The following INTS6 variants were observed in gnomAD, a reference collection of about 807,000 sequenced individuals.
The protein encoded by INTS6 is integrator complex subunit 6.
INTS6 carries 16 observed loss-of-function variants against 104.9 expected under a neutral mutation model. The ratio of observed to expected loss-of-function variants is 0.15; its 90% CI spans 0.10 to 0.23. INTS6 has a LOEUF of 0.23. INTS6 is among the 10% of genes least tolerant of loss of function. The pLI is 1.00. For missense variants in INTS6, 584 were observed against 1,062.8 expected (o/e 0.55, Z 6.26); for synonymous variants, 324 against 358.7 (o/e 0.90, Z 1.09).
At chr13:51,358,960 T>C (rs1352775127), downstream of INTS6, among the ~76,000 whole-genome samples, 1 of 152,102 alleles carries the variant, frequency 6.6e-6, no homozygotes, top group Non-Finnish European at 1.5e-5. Flanking sequence ...GTATTATAAT[T>C]GTCCTGTAGA....
chr13:51,378,505 T>C (rs1486606739), intron 11 of INTS6, 51 bp from the exon 12 acceptor site: 2 of 1,177,954 alleles, frequency 1.7e-6, no homozygotes, highest in East Asian at 2.4e-5. Context: ...AATTAATAAA[T>C]CAGATACTAA....
intron 4 of INTS6, among the ~76,000 whole-genome samples, chr13:51,412,190 G>C (rs74647934): frequency 6.6e-6 from 1 of 152,076 alleles, no homozygotes. Flanking sequence ...AATTTCTTTG[G>C]AGTAACATAT....
chr13:51,371,201 G>C (rs916987753), intron 15 of INTS6, among the ~76,000 whole-genome samples: 2 of 152,090 alleles, frequency 1.3e-5, no homozygotes, highest in African/African-American at 4.8e-5. Flanking sequence ...AAGTGCTGTG[G>C]TGACTTCAGT....
At chr13:51,365,942 T>C in intron 17 of INTS6, 97 bp from the exon 18 acceptor site, 1 of 600,824 alleles carries the variant, frequency 1.7e-6, no homozygotes, top group Non-Finnish European at 2.8e-6. Context: ...TTTGGGAAGA[T>C]TTTTCAAAGT....
At chr13:51,402,618 C>T (rs1956458807) in intron 4 of INTS6, 1 of 152,086 alleles carries the variant, frequency 6.6e-6, no homozygotes. Flanking sequence ...GTAATATCGC[C>T]AACCCAAATA....
intron 15 of INTS6, among the ~76,000 whole-genome samples, chr13:51,371,804 G>C (rs1026058180): frequency 6.6e-6 from 1 of 151,906 alleles, no homozygotes; most frequent in African/African-American, 2.4e-5. Flanking sequence ...ACCTCACAGA[G>C]CTCGGAAGAA....
At position 51,387,361 on chromosome 13, in the gene INTS6, C is replaced by A. The variant is rs375606197; in HGVS notation, c.894+25G>T. On this transcript the variant is annotated intron_variant, in intron 7 of 17. Coordinates refer to ENST00000311234, the MANE Select transcript of INTS6 (RefSeq NM_012141.3). ...AAAGACAGCTGAATGGTTACTATTA[C>A]ATAGTTACAGTCTCTGGTACTTACT... The A allele has an allele frequency of 3.4e-5, 53 of 1,577,586 alleles. 1 individual carries two copies. In the African/African-American group the frequency reaches 6.5e-4, roughly 19 times the overall value.
At chr13:51,410,954 G>C (rs1043980415) in intron 4 of INTS6, among the ~76,000 whole-genome samples, 1 of 152,086 alleles carries the variant, frequency 6.6e-6, no homozygotes, top group African/African-American at 2.4e-5. Flanking sequence ...ACTCACACCT[G>C]TTATCCCAGC....
At chr13:51,381,105 A>G (rs1956041919) in intron 10 of INTS6, among the ~76,000 whole-genome samples, 1 of 152,200 alleles carries the variant, frequency 6.6e-6, no homozygotes, top group South Asian at 2.1e-4. Flanking sequence ...AAGTATATAC[A>G]TATTAAGTAA....
Position 51,452,804 on chromosome 13 carries a change from G to T in INTS6, c.-279C>A. On this transcript the variant is annotated 5_prime_UTR_variant, in exon 1 of 18. Transcript: ENST00000311234. This position sits in a 1 kb window ranked among gnomAD's most constrained non-coding sequence, Gnocchi z 4.2. ...CGCCCAGCCGTCTGTCTGTCGGTTC[G>T]TCCCCCCCGCCTCGGGGGTCCCGTC... 8.5e-7 allele frequency: 1 copy of T among 1,181,952 alleles called. No homozygotes were observed. The highest frequency in any genetic ancestry group is 1.1e-6 in the Non-Finnish European group (1 of 949,296). The allele number at this position is 1,181,952 out of a possible 1,614,324, so 73.2% of individuals were successfully genotyped here.
At chr13:51,402,965 A>T (rs1956466476) in intron 4 of INTS6, among the ~76,000 whole-genome samples, 1 of 152,208 alleles carries the variant, frequency 6.6e-6, no homozygotes, top group African/African-American at 2.4e-5. Context: ...CACCTACCAT[A>T]AACACAGCAC....
rs1955579786 is a variant in INTS6 at position 51,361,667 on chromosome 13, T to C, written c.*4085A>G. The C allele has an allele frequency of 1.4e-6, 1 of 702,650 alleles. No homozygotes were observed. Among genetic ancestry groups the C allele is most frequent in the Non-Finnish European group, 2.3e-6 (1 of 437,712 alleles). 43.5% of individuals were successfully genotyped at this position (702,650 alleles called of 1,614,324 possible). A position where few individuals can be genotyped will look rare whatever the true frequency, so the allele number is the denominator to read the frequency against. ...GCATCTTTTCTCTTTAATTTTCCCA[T>C]CTGCACCCCCATCACAACAGTAAAC... On this transcript the variant is annotated 3_prime_UTR_variant, in exon 18 of 18. Coordinates refer to ENST00000311234, the MANE Select transcript of INTS6 (RefSeq NM_012141.3).
chr13:51,394,773 G>T (rs549555120), intron 5 of INTS6, among the ~76,000 whole-genome samples: 1 of 152,198 alleles, frequency 6.6e-6, no homozygotes, highest in Non-Finnish European at 1.5e-5. Flanking sequence ...GTTCTGAGTT[G>T]ATTACATATT....
intron 5 of INTS6, among the ~76,000 whole-genome samples, chr13:51,394,398 T>C (rs1006604165): frequency 1.3e-5 from 2 of 152,180 alleles, no homozygotes; most frequent in African/African-American, 2.4e-5. Context: ...CCAAAATCCA[T>C]AGAATTTTAG....
chr13:51,425,807 A>C (rs1394606425), intron 4 of INTS6, among the ~76,000 whole-genome samples: 1 of 152,100 alleles, frequency 6.6e-6, no homozygotes. Flanking sequence ...ATAACATGAC[A>C]AACAGTACTG....
chr13:51,368,838 A>C (rs766097996), intron 16 of INTS6, 101 bp downstream of exon 16: 1 of 1,181,402 alleles, frequency 8.5e-7, no homozygotes, highest in East Asian at 2.4e-5. Context: ...ATCTAGAATC[A>C]TATGTATTCT....
chr13:51,417,606 C>T (rs1426037668), intron 4 of INTS6, among the ~76,000 whole-genome samples: 1 of 151,962 alleles, frequency 6.6e-6, no homozygotes, highest in Non-Finnish European at 1.5e-5. Flanking sequence ...AAGCGCATGC[C>T]ACCACACCCG....
intron 13 of INTS6, 150 bp from the exon 14 acceptor site, chr13:51,374,946 C>T (rs190200313): frequency 1.0e-4 from 75 of 722,848 alleles, no homozygotes; most frequent in Admixed American, 4.6e-4. Context: ...ATAACCACTG[C>T]GACAAAATAT....
chr13:51,349,380 A>G (rs1394362841), downstream of INTS6, among the ~76,000 whole-genome samples: 1 of 152,236 alleles, frequency 6.6e-6, no homozygotes, highest in Non-Finnish European at 1.5e-5. Flanking sequence ...ACTCTAAGGT[A>G]AAGTGTATCT....
Sources: gnomAD v4.1 joint callset for allele counts (sites outside exome capture counted in the v4.1 genomes callset) on GRCh38, gnomAD v4.1.1 for gene constraint, Gnocchi (gnomAD v3.1) non-coding constraint, MANE v1.5 for transcripts, NCBI Gene and HGNC (gene_info 2026-07-23, HGNC 2026-07-21) for gene names.